The following SAP130 variants were observed in gnomAD, a reference collection of about 807,000 sequenced individuals.
SAP130 encodes histone deacetylase complex subunit SAP130.
In SAP130, 16 loss-of-function variants were observed where a neutral mutation model predicts 103.2. That is an observed-to-expected ratio of 0.16 (90% CI 0.10 to 0.24). The LOEUF (loss-of-function observed/expected upper bound fraction) is 0.24, where lower values mean the gene tolerates loss of function less well. SAP130 is among the 10% of genes least tolerant of loss of function. The pLI is 1.00. For missense variants in SAP130, 990 were observed against 1,359.7 expected, an observed-to-expected ratio of 0.73 and a Z score of 4.28; for synonymous variants, 477 against 497.0, an observed-to-expected ratio of 0.96 and a Z score of 0.53.
At chr2:127,950,539 C>A in intron 16 of SAP130, 131 bp from the exon 17 acceptor site, 3 of 1,059,166 alleles carry the variant, frequency 2.8e-6, no homozygotes, top group South Asian at 1.6e-5. Flanking sequence ...TCCTATGTGT[C>A]TGGCACTGTG....
chr2:128,012,792 C>T (rs1573830365), intron 6 of SAP130, among the ~76,000 whole-genome samples: 1 of 151,678 alleles, frequency 6.6e-6, no homozygotes, highest in African/African-American at 2.4e-5. Flanking sequence ...TGTTCATTTC[C>T]CCCTTCACTT....
chr2:127,983,446 G>C (rs1382629317), intron 14 of SAP130, among the ~76,000 whole-genome samples: 1 of 152,190 alleles, frequency 6.6e-6, no homozygotes, highest in African/African-American at 2.4e-5. Flanking sequence ...AAATGGCAGT[G>C]AGGCATGACA....
chr2:128,019,819 G>A (rs1685030814), intron 2 of SAP130, among the ~76,000 whole-genome samples: 1 of 152,080 alleles, frequency 6.6e-6, no homozygotes, highest in Admixed American at 6.5e-5. Flanking sequence ...CCCGGGAGGT[G>A]GAGGTTGGGA....
At chr2:127,967,506 T>C (rs1680742116) in intron 15 of SAP130, among the ~76,000 whole-genome samples, 1 of 152,176 alleles carries the variant, frequency 6.6e-6, no homozygotes, top group Non-Finnish European at 1.5e-5. Context: ...TTCAAGTAAT[T>C]CTCTGCCTTA....
At chr2:128,012,560 T>C (rs899825779) in intron 6 of SAP130, among the ~76,000 whole-genome samples, 8 of 152,176 alleles carry the variant, frequency 5.3e-5, no homozygotes, top group Admixed American at 1.3e-4. Flanking sequence ...ACCCAATTTA[T>C]AGATACTATA....
Position 127,941,853 on chromosome 2 carries a change from C to A in SAP130, c.*153G>T. On this transcript the variant is annotated 3_prime_UTR_variant, in exon 21 of 21. Transcript: ENST00000643581. Reference sequence around the variant, plus strand: ...TCCAGTCAGCTCTGATCCTTTCACGCCCTTGGATGTCATGGGTTCCTCTGC... The same window carrying A: ...TCCAGTCAGCTCTGATCCTTTCACGACCTTGGATGTCATGGGTTCCTCTGC... 1.4e-6 allele frequency: 1 copy of A among 708,588 alleles called. No individual in the cohort carries two copies. The highest frequency in any genetic ancestry group is 2.4e-6 in the Non-Finnish European group (1 of 423,476). The allele number at this position is 708,588 out of a possible 1,614,324, so 43.9% of individuals were successfully genotyped here. A position where few individuals can be genotyped will look rare whatever the true frequency, so the allele number is the denominator to read the frequency against.
intron 15 of SAP130, among the ~76,000 whole-genome samples, chr2:127,969,273 T>C (rs1373291702): frequency 1.3e-5 from 2 of 152,204 alleles, no homozygotes; most frequent in Admixed American, 1.3e-4. Context: ...TATTTTAATT[T>C]AATTACGAGT....
At chr2:127,972,848 C>G (rs1364664635) in intron 15 of SAP130, among the ~76,000 whole-genome samples, 1 of 152,014 alleles carries the variant, frequency 6.6e-6, no homozygotes, top group Non-Finnish European at 1.5e-5. Context: ...GTGGGAGGAT[C>G]CTTGCACCCA....
chr2:128,006,969 T>C (rs895609247), intron 7 of SAP130, among the ~76,000 whole-genome samples: 1 of 152,256 alleles, frequency 6.6e-6, no homozygotes, highest in African/African-American at 2.4e-5. Flanking sequence ...AGGGTTTTTG[T>C]CTGTTTCATT....
At chr2:127,959,850 T>C (rs2104792571) in intron 15 of SAP130, among the ~76,000 whole-genome samples, 1 of 152,244 alleles carries the variant, frequency 6.6e-6, no homozygotes, top group East Asian at 1.9e-4. Flanking sequence ...GTTATAAAAA[T>C]TTTGGAACCA....
intron 10 of SAP130, among the ~76,000 whole-genome samples, chr2:127,998,824 T>C (rs916975705): frequency 1.9e-4 from 29 of 152,202 alleles, no homozygotes; most frequent in Non-Finnish European, 4.3e-4. Flanking sequence ...CTTTCGATCA[T>C]AGATACAAAT....
intron 14 of SAP130, among the ~76,000 whole-genome samples, chr2:127,984,227 A>G (rs1682201058): frequency 6.6e-6 from 1 of 151,938 alleles, no homozygotes; most frequent in Non-Finnish European, 1.5e-5. Context: ...TTCTTTTTGC[A>G]TAGCACTGTG....
rs76133286 is a variant in SAP130 at position 128,016,854 on chromosome 2, G to A, written c.349-307C>T. The stretch of plus-strand genomic sequence containing the variant: ...GCCCACACCCTTTCTTCTACATGAT[G>A]CTGCCTCCCAAGTTTGGGTGGATTG... On this transcript the variant is annotated intron_variant, in intron 3 of 20. Coordinates refer to ENST00000643581, the MANE Select transcript of SAP130 (RefSeq NM_001330301.2). 4.8e-3 allele frequency among the ~76,000 whole-genome samples: 730 copies of A among 152,308 alleles called. 22 individuals carry two copies. In the East Asian group the frequency reaches 0.057, roughly 12 times the overall value.
intron 7 of SAP130, among the ~76,000 whole-genome samples, chr2:128,005,272 C>T (rs149620468): frequency 1.3e-5 from 2 of 151,970 alleles, no homozygotes; most frequent in African/African-American, 2.4e-5. Context: ...CAGTCAAGGG[C>T]GGAGAAGAGT....
Position 128,023,653 on chromosome 2 carries a change from G to A in SAP130, c.112+2528C>T, listed in dbSNP as rs557488914. 2.8e-4 allele frequency among the ~76,000 whole-genome samples: 43 copies of A among 152,154 alleles called. 1 individual carries two copies. The highest frequency in any genetic ancestry group is 9.9e-4 in the African/African-American group (41 of 41,534). ...AAATTAGCCGGGCACGGTGGTGGGC[G>A]CCTGTAGTCCCAGCTACTCAGGAGG... On this transcript the variant is annotated intron_variant, in intron 2 of 20. Coordinates refer to ENST00000643581, the MANE Select transcript of SAP130 (RefSeq NM_001330301.2).
At chr2:128,027,061 C>T in intron 1 of SAP130, 1 of 1,405,558 alleles carries the variant, frequency 7.1e-7, no homozygotes. Flanking sequence ...TCTGGGGACC[C>T]GACCACAAGA....
At position 127,996,260 on chromosome 2, in the gene SAP130, G is replaced by T; in HGVS notation, c.1355+90C>A. On this transcript the variant is annotated intron_variant, in intron 11 of 20. Transcript: ENST00000643581. The surrounding 1 kb of genome is among the most constrained non-coding windows in gnomAD (Gnocchi z 4.3). ...CTGAAAACATGAGTAATAAATATAG[G>T]CCATATTTGTGGGACACTTTGTTTT... 1.7e-6 allele frequency: 2 copies of T among 1,157,800 alleles called. No individual in the cohort carries two copies. Among genetic ancestry groups the T allele is most frequent in the Non-Finnish European group, 2.3e-6 (2 of 868,190 alleles). The allele number at this position is 1,157,800 out of a possible 1,614,324, so 71.7% of individuals were successfully genotyped here. A position where few individuals can be genotyped will look rare whatever the true frequency, so the allele number is the denominator to read the frequency against.
Position 127,989,497 on chromosome 2 carries a change from GA to G in SAP130, c.1780+66del. The G allele has an allele frequency of 7.1e-7, 1 of 1,402,076 alleles. No homozygotes were observed. 86.9% of individuals were successfully genotyped at this position (1,402,076 alleles called of 1,614,324 possible). On this transcript the variant is annotated intron_variant, in intron 13 of 20. Coordinates refer to ENST00000643581, the MANE Select transcript of SAP130 (RefSeq NM_001330301.2). This position sits in a 1 kb window ranked among gnomAD's most constrained non-coding sequence, Gnocchi z 4.6. Reference sequence around the variant, plus strand: ...ATAAGACGACAAAGCCAGTGGCAGAGAAAGGATTTAAACCCAAATGTATTTC... The same window carrying G: ...ATAAGACGACAAAGCCAGTGGCAGAGAAGGATTTAAACCCAAATGTATTTC...
At chr2:127,964,887 T>C (rs1482073965) in intron 15 of SAP130, among the ~76,000 whole-genome samples, 4 of 151,884 alleles carry the variant, frequency 2.6e-5, no homozygotes, top group Non-Finnish European at 4.4e-5. Flanking sequence ...TGATCCCAGC[T>C]ACTCAGGAGA....
Sources: gnomAD v4.1 joint callset for allele counts (sites outside exome capture counted in the v4.1 genomes callset) on GRCh38, gnomAD v4.1.1 for gene constraint, Gnocchi (gnomAD v3.1) non-coding constraint, MANE v1.5 for transcripts, NCBI Gene and HGNC (gene_info 2026-07-23, HGNC 2026-07-21) for gene names.